The following PLXNA4 variants were observed in gnomAD, a reference collection of about 807,000 sequenced individuals.
The protein encoded by PLXNA4 is plexin-A4.
Under a neutral mutation model 191.8 loss-of-function variants are expected in PLXNA4, and 44 were observed. The ratio of observed to expected loss-of-function variants is 0.23; its 90% CI spans 0.18 to 0.29. The LOEUF (loss-of-function observed/expected upper bound fraction) is 0.29. PLXNA4 is among the 10% of genes least tolerant of loss of function. The pLI is 1.00. For synonymous variants in PLXNA4, 1,082 were observed against 1,009.5 expected, an observed-to-expected ratio of 1.07 and a Z score of -1.36; for missense variants, 1,800 against 2,488.8, an observed-to-expected ratio of 0.72 and a Z score of 5.89.
chr7:132,462,476 G>A (rs1412046043), intron 3 of PLXNA4, among the ~76,000 whole-genome samples: 1 of 152,058 alleles, frequency 6.6e-6, no homozygotes, highest in African/African-American at 2.4e-5. Flanking sequence ...ACAGGGGAAT[G>A]TTCACAATAA....
At chr7:132,597,365 A>G (rs1227268754) in intron 2 of PLXNA4, among the ~76,000 whole-genome samples, 1 of 152,236 alleles carries the variant, frequency 6.6e-6, no homozygotes, top group Non-Finnish European at 1.5e-5. Flanking sequence ...CTATTCTATC[A>G]CAAGCAGAAT....
At chr7:132,426,617 A>G (rs1352747992) in intron 3 of PLXNA4, among the ~76,000 whole-genome samples, 1 of 152,182 alleles carries the variant, frequency 6.6e-6, no homozygotes, top group Non-Finnish European at 1.5e-5. Context: ...TTCTTCATTC[A>G]CTGAGACCCT....
At chr7:132,144,980 T>C (rs910714421) in intron 29 of PLXNA4, 139 bp downstream of exon 29, 37 of 1,233,414 alleles carry the variant, frequency 3.0e-5, no homozygotes, top group Middle Eastern at 2.7e-4. Flanking sequence ...GACCAGAGAA[T>C]GTGCCTGCTC....
chr7:132,194,434 C>A (rs1797190203), intron 13 of PLXNA4, among the ~76,000 whole-genome samples: 3 of 152,204 alleles, frequency 2.0e-5, no homozygotes, highest in Non-Finnish European at 4.4e-5. Context: ...CCTAGATGTT[C>A]AGTCCCTAAT....
In PLXNA4 at chr7:132,208,971, T is replaced by G. The variant is rs79154826; in HGVS notation, c.2298+1972A>C. On this transcript the variant is annotated intron_variant, in intron 10 of 31. Coordinates refer to ENST00000321063, the MANE Select transcript of PLXNA4 (RefSeq NM_020911.2). ...AAGGACTCATTTGGTCAGGCAGCTC[T>G]CGGCCTGGGAAATGCTGAGGACATT... 8.5e-3 allele frequency among the ~76,000 whole-genome samples: 1,294 copies of G among 152,318 alleles called. 20 individuals are homozygous for G. Among genetic ancestry groups the G allele is most frequent in the African/African-American group, 0.03 (1,231 of 41,566 alleles).
At chr7:132,208,548 G>A (rs1328900596) in intron 10 of PLXNA4, among the ~76,000 whole-genome samples, 2 of 152,136 alleles carry the variant, frequency 1.3e-5, no homozygotes, top group Non-Finnish European at 2.9e-5. Context: ...TGAGCCAGGA[G>A]CTTCAACATC....
chr7:132,611,641 C>A (rs534228010), intron 2 of PLXNA4, among the ~76,000 whole-genome samples: 2 of 152,284 alleles, frequency 1.3e-5, no homozygotes, highest in African/African-American at 4.8e-5. Flanking sequence ...ACAAATCTCC[C>A]CATAGGTAGA....
At chr7:132,359,677 A>G (rs997719696) in intron 3 of PLXNA4, among the ~76,000 whole-genome samples, 1 of 152,242 alleles carries the variant, frequency 6.6e-6, no homozygotes. Flanking sequence ...AAAGACTCAC[A>G]CATCTCAATG....
intron 3 of PLXNA4, among the ~76,000 whole-genome samples, chr7:132,485,349 C>A (rs1797513737): frequency 6.6e-6 from 1 of 152,222 alleles, no homozygotes; most frequent in Non-Finnish European, 1.5e-5. Context: ...GCGAGAGGAG[C>A]AATCACACCT....
intron 3 of PLXNA4, among the ~76,000 whole-genome samples, chr7:132,412,262 C>A (rs1794488045): frequency 6.6e-6 from 1 of 152,182 alleles, no homozygotes; most frequent in Non-Finnish European, 1.5e-5. Context: ...CATATCTCCC[C>A]CTCCAGACCT....
chr7:132,433,227 T>A (rs1795341839), intron 3 of PLXNA4, among the ~76,000 whole-genome samples: 1 of 152,220 alleles, frequency 6.6e-6, no homozygotes, highest in African/African-American at 2.4e-5. Context: ...CACTCACCGC[T>A]TTTGACAACT....
At chr7:132,385,121 G>C in intron 3 of PLXNA4, 1 of 1,593,524 alleles carries the variant, frequency 6.3e-7, no homozygotes, top group Non-Finnish European at 8.6e-7. Flanking sequence ...TGTCTCATCT[G>C]TTTCCATTTT....
chr7:132,384,119 C>CA (rs989002777), intron 3 of PLXNA4: 1 of 985,334 alleles, frequency 1.0e-6, no homozygotes, highest in African/African-American at 1.7e-5. Context: ...TGAAGGTTCT[C>CA]AAGAGCCCTC....
At chr7:132,647,867 ACT>A (rs1326238610) in intron 1 of PLXNA4, among the ~76,000 whole-genome samples, 10 of 151,790 alleles carry the variant, frequency 6.6e-5, no homozygotes, top group African/African-American at 2.2e-4. Context: ...ACACACATAC[ACT>A]CACACACATC....
intron 4 of PLXNA4, among the ~76,000 whole-genome samples, chr7:132,263,914 T>C (rs1799748384): frequency 6.6e-6 from 1 of 152,202 alleles, no homozygotes. Context: ...ACTGTACCGT[T>C]AGCAAAGATA....
intron 1 of PLXNA4, among the ~76,000 whole-genome samples, chr7:132,562,688 C>A (rs1425185470): frequency 3.9e-5 from 4 of 102,644 alleles, no homozygotes; most frequent in Non-Finnish European, 8.0e-5. Flanking sequence ...TCCTCTCCTC[C>A]TTTTCCTCCT....
Position 132,168,531 on chromosome 7 carries a change from C to T in PLXNA4, c.4059G>A (p.Lys1353=). The T allele has an allele frequency of 6.2e-7, 1 of 1,607,376 alleles. No homozygotes were observed. Among genetic ancestry groups the T allele is most frequent in the Non-Finnish European group, 8.5e-7 (1 of 1,176,054 alleles). Residue 1353 remains lysine (K), a synonymous_variant, in exon 22 of 32, where the codon AAG becomes AAA. Coordinates refer to ENST00000321063, the MANE Select transcript of PLXNA4 (RefSeq NM_020911.2). ...TGTTGTTGATGAGCTGGGCGAAGAG[C>T]TTCAGGCCTTTCTCCACACGCTCCT... ...YRQERVEKGL[K]LFAQLINNKV...
At chr7:132,496,608 G>A (rs748713242) in intron 2 of PLXNA4, among the ~76,000 whole-genome samples, 1 of 152,032 alleles carries the variant, frequency 6.6e-6, no homozygotes, top group Non-Finnish European at 1.5e-5. Flanking sequence ...CACTATGTTG[G>A]CCAGGCTGGT....
intron 1 of PLXNA4, among the ~76,000 whole-genome samples, chr7:132,546,278 A>T (rs1291413238): frequency 2.0e-5 from 3 of 152,260 alleles, no homozygotes; most frequent in Admixed American, 2.0e-4. Flanking sequence ...ACCACAAAAA[A>T]TGCAGCATCT....
Sources: allele counts gnomAD v4.1 joint callset (sites outside exome capture counted in the v4.1 genomes callset), GRCh38; gene constraint gnomAD v4.1.1; transcripts MANE v1.5; gene names NCBI Gene and HGNC (gene_info 2026-07-23, HGNC 2026-07-21).